Variants in TRPA1 observed in about 807,000 individuals in gnomAD.
TRPA1 encodes transient receptor potential cation channel subfamily A member 1, also known as ankyrin-like with transmembrane domains 1.
In TRPA1, 129 loss-of-function variants were observed where a neutral mutation model predicts 131.3. The observed-to-expected ratio is 0.98, with a 90% CI of 0.85 to 1.14. TRPA1 has a LOEUF of 1.14. Among genes scored for constraint, TRPA1 ranks in the 50% most tolerant of loss-of-function variants. The pLI is 0.00. For missense variants in TRPA1, 1,304 were observed against 1,354.2 expected (o/e 0.96, Z 0.58); for synonymous variants, 441 against 451.7 (o/e 0.98, Z 0.30).
rs756862120 is a variant in TRPA1, at chr8:72,071,856, T to G, written c.123A>C (p.Glu41Asp). ...AGTTTTGTAATCCATATGCACTTCC[T>G]TCAAAAACCACCTAGAGGTATTTAA... is the stretch of plus-strand genomic sequence containing the variant. ...DFKESLKVVF[E>D]GSAYGLQNFN... is the part of the protein sequence containing the mutation. Residue 41 changes from glutamate to aspartate, a missense_variant, in exon 2 of 27, where the codon GAA becomes GAC. Physicochemically the swap from Glu to Asp is conservative, Grantham distance 45. Transcript: ENST00000262209. The G allele has an allele frequency of 5.0e-6, 8 of 1,611,788 alleles. No homozygotes were observed. The highest frequency in any genetic ancestry group is 5.9e-6 in the Non-Finnish European group (7 of 1,179,706).
rs752287177 is a variant in TRPA1, at chr8:72,022,865, C to A, written c.*41G>T. The A allele has an allele frequency of 2.5e-6, 4 of 1,571,170 alleles. No individual in the cohort carries two copies. The highest frequency in any genetic ancestry group is 2.2e-5 in the South Asian group (2 of 90,120). ...AAATTGAAAGTTAGAACCAGCAAGT[C>A]ATGCACCCCCCATTAGAAGCCTCAC... On this transcript the variant is annotated 3_prime_UTR_variant, in exon 27 of 27. Transcript: ENST00000262209.
intron 25 of TRPA1, among the ~76,000 whole-genome samples, chr8:72,024,736 T>C (rs1292277451): frequency 6.6e-6 from 1 of 152,152 alleles, no homozygotes; most frequent in Non-Finnish European, 1.5e-5. Flanking sequence ...GGCAGCTGGA[T>C]ACAGGGTCCG....
the TRPA1 span, among the ~76,000 whole-genome samples, chr8:72,088,488 A>T: frequency 6.6e-6 from 1 of 151,930 alleles, no homozygotes; most frequent in Non-Finnish European, 1.5e-5. Context: ...TAATTAAAAA[A>T]TTCTATTCTG....
intron 23 of TRPA1, among the ~76,000 whole-genome samples, chr8:72,031,593 AC>A (rs1434853006): frequency 2.1e-5 from 3 of 143,590 alleles, no homozygotes; most frequent in Non-Finnish European, 3.1e-5. Context: ...AAACAAAAAA[AC>A]AAAAAAAAAA....
At chr8:72,045,048 C>T (rs1812381326) in intron 17 of TRPA1, among the ~76,000 whole-genome samples, 1 of 151,900 alleles carries the variant, frequency 6.6e-6, no homozygotes, top group South Asian at 2.1e-4. Flanking sequence ...TTAAAAAACA[C>T]ATACATATGC....
intron 1 of TRPA1, 39 bp from the exon 2 acceptor site, chr8:72,071,906 T>G: frequency 1.3e-6 from 2 of 1,589,832 alleles, no homozygotes; most frequent in Non-Finnish European, 8.6e-7. Flanking sequence ...AACAAGCATA[T>G]GCAAAACTTA....
intron 17 of TRPA1, among the ~76,000 whole-genome samples, chr8:72,040,987 A>G (rs147746580): frequency 1.3e-5 from 2 of 152,100 alleles, no homozygotes; most frequent in African/African-American, 4.8e-5. Flanking sequence ...CTCACTTTAG[A>G]TATAAGAACA....
In TRPA1 at chr8:72,057,101, A is replaced by G. The variant is rs1459459748; in HGVS notation, c.1094-84T>C. ...GTGGATTTTCAACTTAGCAAAAAAA[A>G]ATTTGACTAAAAATATTGTCGACCT... is the stretch of plus-strand genomic sequence containing the variant. On this transcript the variant is annotated intron_variant, in intron 9 of 26. Transcript: ENST00000262209. 3.7e-6 allele frequency: 4 copies of G among 1,068,632 alleles called. No individual in the cohort carries two copies. The African/African-American group carries it at 6.5e-5, about 17-fold the overall frequency. The allele number at this position is 1,068,632 out of a possible 1,614,324, so 66.2% of individuals were successfully genotyped here.
chr8:72,075,352 C>T lies in TRPA1; in HGVS notation c.58G>A (p.Val20Ile), dbSNP rs112694543. Reference protein sequence around the residue: ...RPGEKKEPQGVVYEDVPDDTE... With the variant: ...RPGEKKEPQGIVYEDVPDDTE... ...TCGTCCGGCACATCCTCATAGACAA[C>T]GCCCTGGGGCTCCTTCTTTTCTCCA... Residue 20 changes from valine to isoleucine, a missense_variant, in exon 1 of 27, where the codon GTT (valine) becomes ATT (isoleucine). Coordinates refer to ENST00000262209, the MANE Select transcript of TRPA1 (RefSeq NM_007332.3). 1.1e-4 allele frequency: 172 copies of T among 1,612,886 alleles called. No homozygotes were observed. Among genetic ancestry groups the T allele is most frequent in the Middle Eastern group, 1.8e-4 (1 of 5,690 alleles).
At chr8:72,028,962 C>T (rs1013745157) in intron 24 of TRPA1, among the ~76,000 whole-genome samples, 1 of 152,174 alleles carries the variant, frequency 6.6e-6, no homozygotes, top group African/African-American at 2.4e-5. Context: ...TGCGTATAGT[C>T]AACTGGTCAC....
At chr8:72,037,665 C>T (rs1198413673) in intron 20 of TRPA1, among the ~76,000 whole-genome samples, 3 of 151,900 alleles carry the variant, frequency 2.0e-5, no homozygotes, top group African/African-American at 7.2e-5. Flanking sequence ...CAAAATGTAA[C>T]CATTATGTTA....
At chr8:72,087,384 G>C in the TRPA1 span, among the ~76,000 whole-genome samples, 1 of 152,116 alleles carries the variant, frequency 6.6e-6, no homozygotes. Context: ...GAAGTATGCC[G>C]TTGGCAAAAG....
chr8:72,077,671 T>G (rs1015758884), upstream of TRPA1, among the ~76,000 whole-genome samples: 1 of 152,198 alleles, frequency 6.6e-6, no homozygotes, highest in Non-Finnish European at 1.5e-5. Flanking sequence ...TGTTTCTTCT[T>G]AATCATTAAA....
At chr8:72,053,731 G>T in intron 13 of TRPA1, 22 bp downstream of exon 13, 1 of 1,565,052 alleles carries the variant, frequency 6.4e-7, no homozygotes, top group Non-Finnish European at 8.8e-7. Flanking sequence ...TTTTGGGTAA[G>T]CATGAGGACC....
At chr8:72,034,102 T>C (rs1811942149) in intron 22 of TRPA1, 146 bp downstream of exon 22, 3 of 990,592 alleles carry the variant, frequency 3.0e-6, no homozygotes, top group Admixed American at 2.8e-5. Flanking sequence ...ATAAACGTCA[T>C]TTGAAAGATA....
chr8:72,057,842 A>G, intron 8 of TRPA1, 26 bp from the exon 9 acceptor site: 1 of 1,529,984 alleles, frequency 6.5e-7, no homozygotes, highest in Non-Finnish European at 9.1e-7. Context: ...ACCATTCAAC[A>G]AAGAGCTTAG....
In TRPA1 at chr8:72,052,994, T is replaced by A. The variant is rs201214030; in HGVS notation, c.1645-229A>T. The A allele has an allele frequency of 4.9e-3, 1,621 of 330,660 alleles. 33 individuals carry two copies. Among genetic ancestry groups the A allele is most frequent in the African/African-American group, 0.027 (997 of 36,748 alleles). 20.5% of individuals were successfully genotyped at this position (330,660 alleles called of 1,614,324 possible). A position where few individuals can be genotyped will look rare whatever the true frequency, so the allele number is the denominator to read the frequency against. On this transcript the variant is annotated intron_variant, in intron 13 of 26. Transcript: ENST00000262209. Reference sequence around the variant, plus strand: ...GTGTGTGTGTGTGTGTGTGTGTGTGTGAGAGATAGAGAAAGAGAGAGAGAG... The same window carrying A: ...GTGTGTGTGTGTGTGTGTGTGTGTGAGAGAGATAGAGAAAGAGAGAGAGAG...
At chr8:72,085,336 A>G in the TRPA1 span, among the ~76,000 whole-genome samples, 2 of 152,280 alleles carry the variant, frequency 1.3e-5, no homozygotes, top group Non-Finnish European at 2.9e-5. Flanking sequence ...TTTACTTGAT[A>G]TGCAAACATG....
chr8:72,054,173 T>C (rs1755167345), intron 12 of TRPA1: 1 of 365,880 alleles, frequency 2.7e-6, no homozygotes, highest in Non-Finnish European at 5.1e-6. Flanking sequence ...GTGTCATACC[T>C]AATTTTTTTA....
Sources: gnomAD v4.1 joint callset for allele counts (sites outside exome capture counted in the v4.1 genomes callset) on GRCh38, gnomAD v4.1.1 for gene constraint, MANE v1.5 for transcripts, NCBI Gene and HGNC (gene_info 2026-07-23, HGNC 2026-07-21) for gene names.